The following PIP5K1B variants were observed in gnomAD, a reference collection of about 807,000 sequenced individuals.
PIP5K1B encodes phosphatidylinositol-4-phosphate 5-kinase type 1 beta.
Under a neutral mutation model 67.0 loss-of-function variants are expected in PIP5K1B, and 42 were observed. The ratio of observed to expected loss-of-function variants is 0.63; its 90% CI spans 0.49 to 0.81. The LOEUF (loss-of-function observed/expected upper bound fraction) is 0.81. PIP5K1B is among the 30% of genes least tolerant of loss of function. PIP5K1B has a pLI of 0.00. For missense variants in PIP5K1B, 459 were observed against 646.3 expected (o/e 0.71, Z 3.14); for synonymous variants, 214 against 231.4 (o/e 0.92, Z 0.68).
intron 15 of PIP5K1B, among the ~76,000 whole-genome samples, chr9:68,993,048 G>A (rs1434089833): frequency 3.3e-5 from 5 of 151,826 alleles, no homozygotes; most frequent in African/African-American, 1.2e-4. Flanking sequence ...TGTAGTCCCA[G>A]CTACTCGGAA....
At chr9:68,781,002 C>A (rs751676837) in intron 2 of PIP5K1B, 1 of 1,613,738 alleles carries the variant, frequency 6.2e-7, no homozygotes, top group South Asian at 1.1e-5. Context: ...TCCATTTATT[C>A]CACTAGATGA....
At chr9:68,839,437 GAA>G (rs1365312604) in intron 4 of PIP5K1B, among the ~76,000 whole-genome samples, 1 of 152,090 alleles carries the variant, frequency 6.6e-6, no homozygotes, top group Non-Finnish European at 1.5e-5. Flanking sequence ...CTCCTTTCGA[GAA>G]AACCTGAGTT....
At chr9:68,946,171 T>C (rs1397748427) in intron 14 of PIP5K1B, among the ~76,000 whole-genome samples, 1 of 152,160 alleles carries the variant, frequency 6.6e-6, no homozygotes, top group Non-Finnish European at 1.5e-5. Context: ...ATTTACAAAA[T>C]GAAAGGAGAA....
intron 8 of PIP5K1B, among the ~76,000 whole-genome samples, chr9:68,900,360 A>G (rs1564216827): frequency 6.6e-6 from 1 of 152,204 alleles, no homozygotes; most frequent in Non-Finnish European, 1.5e-5. Flanking sequence ...CACTCAGTAC[A>G]TGTTGCAAGA....
Position 68,935,034 on chromosome 9 carries a change from T to G in PIP5K1B, c.1346T>G (p.Leu449Arg). Residue 449 changes from leucine (L) to arginine (R), a missense_variant, in exon 13 of 16, where the codon CTT becomes CGT. Leu to Arg is a moderately radical substitution (Grantham distance 102). This residue lies in a region of PIP5K1B where 169 missense variants were observed against 171.9 expected (regional missense o/e 0.98). Coordinates refer to ENST00000265382, the MANE Select transcript of PIP5K1B (RefSeq NM_003558.4). ...ACTGAAGGACAAAGTTTTAGCAGCC[T>G]TGATGAAGAAGGTAAAGATATGTAA... ...LLTEGQSFSS[L>R]DEEALGSRHR... 1.2e-6 allele frequency: 2 copies of G among 1,612,984 alleles called. No individual in the cohort carries two copies. The highest frequency in any genetic ancestry group is 1.7e-6 in the Non-Finnish European group (2 of 1,179,374).
At chr9:68,853,998 G>T (rs1822633605) in intron 4 of PIP5K1B, among the ~76,000 whole-genome samples, 1 of 150,600 alleles carries the variant, frequency 6.6e-6, no homozygotes, top group Non-Finnish European at 1.5e-5. Flanking sequence ...GGGGAAGAGA[G>T]AGATGGCTAC....
chr9:68,926,788 T>A (rs1386895715), intron 12 of PIP5K1B, among the ~76,000 whole-genome samples: 1 of 152,034 alleles, frequency 6.6e-6, no homozygotes, highest in Admixed American at 6.6e-5. Flanking sequence ...GCCAGGCTGG[T>A]CTTGAACTGC....
At chr9:68,917,487 G>C in intron 8 of PIP5K1B, 61 bp from the exon 9 acceptor site, 2 of 1,147,538 alleles carry the variant, frequency 1.7e-6, no homozygotes, top group Non-Finnish European at 2.6e-6. Flanking sequence ...CTCTGATAAT[G>C]AGTAGATGAG....
chr9:68,822,580 A>G, intron 3 of PIP5K1B, 35 bp from the exon 4 acceptor site: 1 of 1,469,008 alleles, frequency 6.8e-7, no homozygotes. Flanking sequence ...TCAGAGTAAC[A>G]TTGAAGTTCA....
chr9:68,907,581 A>G (rs1825677440), intron 8 of PIP5K1B, among the ~76,000 whole-genome samples: 1 of 152,096 alleles, frequency 6.6e-6, no homozygotes, highest in Admixed American at 6.6e-5. Flanking sequence ...ATTGTTTCTC[A>G]ATACCGATGG....
At position 68,844,486 on chromosome 9, in the gene PIP5K1B, G is replaced by C. The variant is rs569679206; in HGVS notation, c.70-19351G>C. On this transcript the variant is annotated intron_variant, in intron 4 of 15. Transcript: ENST00000265382. ...GACTGGGCCACTAGAAGACTGGCTT[G>C]TTGGGATCAAGTCAAGGGGTTCTTG... Among the ~76,000 whole-genome samples, 4 of 152,282 alleles carry C rather than the reference G, an allele frequency of 2.6e-5. No homozygotes were observed. The South Asian group carries it at 8.3e-4, about 32-fold the overall frequency.
intron 1 of PIP5K1B, among the ~76,000 whole-genome samples, chr9:68,740,851 A>G (rs1464613670): frequency 6.6e-6 from 1 of 152,242 alleles, no homozygotes; most frequent in African/African-American, 2.4e-5. Context: ...AGCTCAAGCC[A>G]TGGTGTAGCT....
At chr9:68,781,128 T>G in intron 2 of PIP5K1B, 1 of 1,448,760 alleles carries the variant, frequency 6.9e-7, no homozygotes, top group South Asian at 1.4e-5. Flanking sequence ...TATTTCCTAT[T>G]TGACCCCTTT....
chr9:68,930,515 G>T (rs1826942516), intron 12 of PIP5K1B, among the ~76,000 whole-genome samples: 1 of 152,092 alleles, frequency 6.6e-6, no homozygotes, highest in Non-Finnish European at 1.5e-5. Context: ...TCCTCACTCT[G>T]CAGTATCAGG....
chr9:68,924,276 CCT>C (rs199752250), intron 12 of PIP5K1B, among the ~76,000 whole-genome samples: 2,533 of 151,334 alleles, frequency 0.017, 117 homozygotes, highest in East Asian at 0.15. Context: ...GTGGTATGCA[CCT>C]GTAATCCTAA....
intron 14 of PIP5K1B, among the ~76,000 whole-genome samples, chr9:68,960,658 A>C (rs151232747): frequency 6.6e-6 from 1 of 151,974 alleles, no homozygotes; most frequent in East Asian, 1.9e-4. Flanking sequence ...AATCAATTCT[A>C]CTGTTACGTT....
At chr9:68,747,037 C>A (rs1283653146) in intron 2 of PIP5K1B, among the ~76,000 whole-genome samples, 3 of 151,936 alleles carry the variant, frequency 2.0e-5, no homozygotes, top group Non-Finnish European at 2.9e-5. Flanking sequence ...TGAAGGAAGG[C>A]GCTGGACTTG....
chr9:68,881,251 C>A (rs1472430944), intron 6 of PIP5K1B, among the ~76,000 whole-genome samples: 2 of 152,212 alleles, frequency 1.3e-5, no homozygotes, highest in South Asian at 4.1e-4. Flanking sequence ...CTTCCTAGCC[C>A]ATTGACCTGT....
chr9:68,765,846 T>C (rs187806159), intron 2 of PIP5K1B, among the ~76,000 whole-genome samples: 30 of 152,288 alleles, frequency 2.0e-4, no homozygotes, highest in African/African-American at 6.3e-4. Context: ...TGACAATTGA[T>C]GTAGACTTTC....
Sources: allele counts gnomAD v4.1 joint callset (sites outside exome capture counted in the v4.1 genomes callset), GRCh38; gene constraint gnomAD v4.1.1; regional missense constraint gnomAD v4.1.1; transcripts MANE v1.5; gene names NCBI Gene and HGNC (gene_info 2026-07-23, HGNC 2026-07-21).